Variants in DGKB observed in about 807,000 individuals in gnomAD.
The protein encoded by DGKB is 90 kDa diacylglycerol kinase.
DGKB carries 67 observed loss-of-function variants against 114.3 expected under a neutral mutation model. That is an observed-to-expected ratio of 0.59 (90% CI 0.48 to 0.72). The LOEUF (loss-of-function observed/expected upper bound fraction) is 0.72. DGKB is among the 30% of genes least tolerant of loss of function. DGKB has a pLI of 0.00. For synonymous variants in DGKB, 398 were observed against 323.1 expected (o/e 1.23, Z -2.49); for missense variants, 907 against 975.2 (o/e 0.93, Z 0.93).
chr7:14,605,930 CAGATA>C (rs1804420687), intron 17 of DGKB, among the ~76,000 whole-genome samples: 1 of 152,090 alleles, frequency 6.6e-6, no homozygotes, highest in Non-Finnish European at 1.5e-5. Context: ...CCTCATTTTA[CAGATA>C]AGATAATGAA....
At chr7:14,856,519 T>C (rs966142398) in intron 1 of DGKB, among the ~76,000 whole-genome samples, 2 of 152,158 alleles carry the variant, frequency 1.3e-5, no homozygotes, top group Non-Finnish European at 2.9e-5. Context: ...TTTTACATGT[T>C]TGAACTTTTA....
intron 22 of DGKB, among the ~76,000 whole-genome samples, chr7:14,339,430 A>T (rs1196729776): frequency 6.6e-6 from 1 of 151,860 alleles, no homozygotes; most frequent in African/African-American, 2.4e-5. Context: ...AGCTGCTGCA[A>T]AAATGGTTAA....
At chr7:14,194,228 G>A (rs992158737) in intron 23 of DGKB, among the ~76,000 whole-genome samples, 4 of 152,130 alleles carry the variant, frequency 2.6e-5, no homozygotes, top group African/African-American at 7.2e-5. Flanking sequence ...GAATCAGCAC[G>A]TCAAAAGAGA....
chr7:14,501,575 A>C (rs1478496463), intron 20 of DGKB, among the ~76,000 whole-genome samples: 1 of 151,900 alleles, frequency 6.6e-6, no homozygotes, highest in East Asian at 1.9e-4. Context: ...TAATGACTCA[A>C]ACAGAAGAAT....
At chr7:14,732,070 C>T (rs1339043585) in intron 5 of DGKB, among the ~76,000 whole-genome samples, 3 of 152,068 alleles carry the variant, frequency 2.0e-5, no homozygotes, top group Non-Finnish European at 4.4e-5. Flanking sequence ...TATACATATG[C>T]ATATGTATAA....
chr7:14,187,806 A>G lies in DGKB; in HGVS notation c.2123-9655T>C, dbSNP rs144773112. The stretch of plus-strand genomic sequence containing the variant: ...AGGGACACAAGAAACATAAAAAAGC[A>G]AATTAACATGGCACCCACAAAATGT... On this transcript the variant is annotated intron_variant, in intron 23 of 25. Transcript: ENST00000402815. Among the ~76,000 whole-genome samples, 1,491 of 152,318 alleles carry G rather than the reference A, an allele frequency of 9.8e-3. 24 individuals are homozygous for G. Among genetic ancestry groups the G allele is most frequent in the African/African-American group, 0.034 (1,400 of 41,570 alleles).
At chr7:14,865,724 C>A (rs1298235483) in intron 1 of DGKB, among the ~76,000 whole-genome samples, 1 of 151,886 alleles carries the variant, frequency 6.6e-6, no homozygotes. Flanking sequence ...GAGTTGAAGT[C>A]GAATTTAAAG....
At chr7:14,671,339 C>T (rs557043707) in intron 13 of DGKB, among the ~76,000 whole-genome samples, 53 of 152,164 alleles carry the variant, frequency 3.5e-4, no homozygotes, top group Non-Finnish European at 6.5e-4. Context: ...GGACGAAATG[C>T]TCAATAGTCA....
chr7:14,905,140 T>G (rs1023497427), upstream of DGKB, among the ~76,000 whole-genome samples: 1 of 152,112 alleles, frequency 6.6e-6, no homozygotes, highest in African/African-American at 2.4e-5. Context: ...TTAGCTATCT[T>G]CATTATAAAT....
intron 21 of DGKB, among the ~76,000 whole-genome samples, chr7:14,473,278 A>C (rs367799766): frequency 2.0e-5 from 3 of 152,280 alleles, no homozygotes; most frequent in African/African-American, 7.2e-5. Context: ...AGGGGCCAAC[A>C]TAGAGCTCAA....
At chr7:14,962,825 T>C (rs1000027682) in intron 1 of DGKB, among the ~76,000 whole-genome samples, 4 of 152,142 alleles carry the variant, frequency 2.6e-5, no homozygotes, top group Non-Finnish European at 5.9e-5. Flanking sequence ...ATGTATAAGC[T>C]ATTATATGAT....
chr7:14,315,878 T>G (rs1806382520), intron 23 of DGKB, among the ~76,000 whole-genome samples: 1 of 150,340 alleles, frequency 6.7e-6, no homozygotes, highest in South Asian at 2.1e-4. Flanking sequence ...ACCACATACT[T>G]GGAAGTAAAG....
intron 21 of DGKB, among the ~76,000 whole-genome samples, chr7:14,425,246 G>C (rs1208963118): frequency 1.3e-5 from 2 of 151,760 alleles, no homozygotes; most frequent in African/African-American, 4.8e-5. Flanking sequence ...ATAATAAGTA[G>C]GACATATCTC....
intron 21 of DGKB, among the ~76,000 whole-genome samples, chr7:14,347,869 C>A (rs1812746034): frequency 6.6e-6 from 1 of 151,932 alleles, no homozygotes; most frequent in Admixed American, 6.6e-5. Flanking sequence ...TAATGTTGCA[C>A]ATCTTGAATA....
At chr7:14,314,708 G>T (rs1806132892) in intron 23 of DGKB, among the ~76,000 whole-genome samples, 1 of 151,928 alleles carries the variant, frequency 6.6e-6, no homozygotes, top group Non-Finnish European at 1.5e-5. Flanking sequence ...AAAACACTCT[G>T]CAGGATATTA....
intron 1 of DGKB, among the ~76,000 whole-genome samples, chr7:14,883,712 G>C (rs891577473): frequency 4.6e-5 from 7 of 151,870 alleles, no homozygotes; most frequent in Admixed American, 4.6e-4. Flanking sequence ...GAACCTAAAG[G>C]CTTAATTGGC....
rs749915148 is a variant in DGKB, at chr7:14,176,918, T to C, written c.2244-19A>G. 57 of 1,612,804 alleles carry C rather than the reference T, an allele frequency of 3.5e-5. No individual in the cohort carries two copies. The East Asian group carries it at 8.2e-4, about 23-fold the overall frequency. On this transcript the variant is annotated intron_variant, in intron 24 of 25. Coordinates refer to ENST00000402815, the MANE Select transcript of DGKB (RefSeq NM_001350709.2). Reference sequence around the variant, plus strand: ...GCTCGTCCTGGGGGAAAATATTTCATTGTAAGTATTGCAAGGAAATACTTT... The same window carrying C: ...GCTCGTCCTGGGGGAAAATATTTCACTGTAAGTATTGCAAGGAAATACTTT...
In DGKB at chr7:14,146,071, T is replaced by C. The variant is rs1263998700; in HGVS notation, c.*3060A>G. The C allele has an allele frequency of 1.3e-5, 2 of 152,356 alleles. No individual in the cohort carries two copies. Among genetic ancestry groups the C allele is most frequent in the East Asian group, 3.9e-4 (2 of 5,186 alleles). The allele number at this position is 152,356 out of a possible 1,614,324, so 9.4% of individuals were successfully genotyped here. ...TGGCTATGATCACATGAACCTGTTT[T>C]AAATAAAATAAAAACTGTTTTAAAA... On this transcript the variant is annotated 3_prime_UTR_variant, in exon 26 of 26. Transcript: ENST00000402815.
In DGKB at chr7:14,718,622, G is replaced by T; in HGVS notation, c.386C>A (p.Ser129Tyr). ...GTCCTTCAGATGGATTACTTCTGGG[G>T]AACACGTATTTGCAGGAGAAGTAGT... is the stretch of plus-strand genomic sequence containing the variant. Reference protein sequence around the residue: ...PRTTSPANTCSPEVIHLKDIV... With the variant: ...PRTTSPANTCYPEVIHLKDIV... The change falls in exon 6 of 26, where the codon TCC becomes TAC. Residue 129 changes from serine to tyrosine, a missense_variant. By Grantham distance (144) the Ser-to-Tyr change is moderately radical. Around this residue, in one of 3 missense-constraint regions of DGKB, gnomAD observed 814 missense variants for 856.6 expected, o/e 0.95. Coordinates refer to ENST00000402815, the MANE Select transcript of DGKB (RefSeq NM_001350709.2). 2 of 1,612,298 alleles carry T rather than the reference G, an allele frequency of 1.2e-6. No homozygotes were observed. The highest frequency in any genetic ancestry group is 2.2e-5 in the East Asian group (1 of 44,786).
Sources: allele counts gnomAD v4.1 joint callset (sites outside exome capture counted in the v4.1 genomes callset), GRCh38; gene constraint gnomAD v4.1.1; regional missense constraint gnomAD v4.1.1; transcripts MANE v1.5; gene names NCBI Gene and HGNC (gene_info 2026-07-23, HGNC 2026-07-21).